The following PCDHGB3 variants were observed in gnomAD, a reference collection of about 807,000 sequenced individuals.
The protein encoded by PCDHGB3 is protocadherin gamma subfamily B, 3.
In PCDHGB3, 40 loss-of-function variants were observed where a neutral mutation model predicts 59.2. The observed-to-expected ratio is 0.68, with a 90% CI of 0.52 to 0.88. The LOEUF (loss-of-function observed/expected upper bound fraction) is 0.88. Among genes scored for constraint, PCDHGB3 ranks in the 40% least tolerant of loss-of-function variants. The probability of loss-of-function intolerance (pLI) is 0.00; values close to 1 mark genes in which losing one functional copy is unlikely to be tolerated. For missense variants in PCDHGB3, 1,309 were observed against 1,187.9 expected (o/e 1.10, Z -1.50); for synonymous variants, 581 against 503.6 (o/e 1.15, Z -2.06).
chr5:141,397,809 A>G lies in PCDHGB3; in HGVS notation c.2415+25000A>G, dbSNP rs116170608. Among the ~76,000 whole-genome samples, 1,507 of 152,354 alleles carry G rather than the reference A, an allele frequency of 9.9e-3. 33 individuals carry two copies. Among genetic ancestry groups the G allele is most frequent in the African/African-American group, 0.034 (1,415 of 41,586 alleles). ...ACTTGGCTTGTTAAGTTAGGCACACAAAAACAATTACTGCACTGGTTAACT... is the reference window on the plus strand; with the variant it reads ...ACTTGGCTTGTTAAGTTAGGCACACGAAAACAATTACTGCACTGGTTAACT... On this transcript the variant is annotated intron_variant, in intron 1 of 3. Coordinates refer to ENST00000576222, the MANE Select transcript of PCDHGB3 (RefSeq NM_018924.5).
chr5:141,489,428 G>C lies in PCDHGB3; in HGVS notation c.2416-5379G>C, dbSNP rs561792279. The C allele has an allele frequency of 1.2e-6, 2 of 1,613,994 alleles. No individual in the cohort carries two copies. Among genetic ancestry groups the C allele is most frequent in the Non-Finnish European group, 1.7e-6 (2 of 1,180,038 alleles). On this transcript the variant is annotated intron_variant, in intron 1 of 3. Coordinates refer to ENST00000576222, the MANE Select transcript of PCDHGB3 (RefSeq NM_018924.5). This position sits in a 1 kb window ranked among gnomAD's most constrained non-coding sequence, Gnocchi z 4.5. The stretch of plus-strand genomic sequence containing the variant: ...AAGATGACAGATCTGTTGAGCCGGC[G>C]GCTGCAATTGGGCTCTGAGGAGAAT...
At chr5:141,394,740 G>C in intron 1 of PCDHGB3, 2 of 1,613,404 alleles carry the variant, frequency 1.2e-6, no homozygotes, top group Non-Finnish European at 1.7e-6. Context: ...GCAGAGCCTC[G>C]TGGTGGCCGT....
chr5:141,436,859 A>G (rs550974791), intron 1 of PCDHGB3, among the ~76,000 whole-genome samples: 7 of 152,250 alleles, frequency 4.6e-5, no homozygotes, highest in Non-Finnish European at 1.0e-4. Flanking sequence ...TTGAGAAGCC[A>G]CAGTTTTAGG....
chr5:141,409,060 G>C (rs1464240645), intron 1 of PCDHGB3: 1 of 1,614,000 alleles, frequency 6.2e-7, no homozygotes, highest in Non-Finnish European at 8.5e-7. Flanking sequence ...GCACTGCCCA[G>C]AGCACAAAAC....
intron 1 of PCDHGB3, chr5:141,374,617 C>T: frequency 1.2e-6 from 2 of 1,613,518 alleles, no homozygotes; most frequent in South Asian, 1.1e-5. Flanking sequence ...ATAGTCACTT[C>T]TCAGTGGACG....
At chr5:141,469,629 C>T (rs933972587) in intron 1 of PCDHGB3, among the ~76,000 whole-genome samples, 1 of 152,070 alleles carries the variant, frequency 6.6e-6, no homozygotes, top group Admixed American at 6.6e-5. Context: ...GTTTGTAGTT[C>T]CAAAATATTT....
Position 141,477,656 on chromosome 5 carries a change from C to T in PCDHGB3, c.2416-17151C>T, listed in dbSNP as rs755621234. The T allele has an allele frequency of 1.9e-6, 3 of 1,614,184 alleles. No homozygotes were observed. The South Asian group carries it at 3.3e-5, about 18-fold the overall frequency. ...AGTGGGTCGCTATTTCACAATAAATCGTGACAATGGCATAGTGTCATCCTT... is the reference window on the plus strand; with the variant it reads ...AGTGGGTCGCTATTTCACAATAAATTGTGACAATGGCATAGTGTCATCCTT... On this transcript the variant is annotated intron_variant, in intron 1 of 3. Transcript: ENST00000576222. The surrounding 1 kb of genome is among the most constrained non-coding windows in gnomAD (Gnocchi z 4.9).
At chr5:141,445,805 A>G (rs2098478274) in intron 1 of PCDHGB3, among the ~76,000 whole-genome samples, 2 of 152,236 alleles carry the variant, frequency 1.3e-5, no homozygotes, top group South Asian at 4.1e-4. Flanking sequence ...GAAAATAAAT[A>G]GATGAAACTA....
intron 1 of PCDHGB3, among the ~76,000 whole-genome samples, chr5:141,437,829 C>T (rs2097913718): frequency 6.6e-6 from 1 of 151,986 alleles, no homozygotes; most frequent in Admixed American, 6.6e-5. Flanking sequence ...CCTCTGCCTC[C>T]TGGGTTCATG....
chr5:141,405,621 C>T lies in PCDHGB3; in HGVS notation c.2415+32812C>T, dbSNP rs2094693815. 9.2e-6 allele frequency: 5 copies of T among 543,194 alleles called. No individual in the cohort carries two copies. In the South Asian group the frequency reaches 1.0e-4, roughly 11 times the overall value. 33.6% of individuals were successfully genotyped at this position (543,194 alleles called of 1,614,324 possible). ...AGTAGAATAACTGGGACTACAGGCA[C>T]GTGCCACCACGCCCGGCTAATTTTT... On this transcript the variant is annotated intron_variant, in intron 1 of 3. Coordinates refer to ENST00000576222, the MANE Select transcript of PCDHGB3 (RefSeq NM_018924.5).
intron 1 of PCDHGB3, among the ~76,000 whole-genome samples, chr5:141,474,130 C>G (rs28684928): frequency 6.6e-6 from 1 of 152,160 alleles, no homozygotes; most frequent in Non-Finnish European, 1.5e-5. Context: ...TCTCAGAAAA[C>G]TACAGGCCTT....
chr5:141,481,509 T>C (rs2154578624), intron 1 of PCDHGB3, among the ~76,000 whole-genome samples: 2 of 152,326 alleles, frequency 1.3e-5, no homozygotes, highest in Middle Eastern at 3.4e-3. Context: ...GTATGTGAAT[T>C]ATGTCTCAGT....
chr5:141,432,652 C>T lies in PCDHGB3; in HGVS notation c.2415+59843C>T, dbSNP rs1004936183. On this transcript the variant is annotated intron_variant, in intron 1 of 3. Transcript: ENST00000576222. This position sits in a 1 kb window ranked among gnomAD's most constrained non-coding sequence, Gnocchi z 6.0. ...CGGGCGAGGTGCGCACGGCGCGAGC[C>T]CTGCTGGACAGAGACGCGCTCAAGC... The T allele has an allele frequency of 6.2e-7, 1 of 1,613,836 alleles. No individual in the cohort carries two copies. Among genetic ancestry groups the T allele is most frequent in the East Asian group, 2.2e-5 (1 of 44,860 alleles).
intron 1 of PCDHGB3, chr5:141,420,927 G>A (rs1257204379): frequency 2.8e-6 from 1 of 362,530 alleles, no homozygotes; most frequent in Non-Finnish European, 5.0e-6. Context: ...ACAAAGGTGA[G>A]CGTAATCATT....
intron 1 of PCDHGB3, chr5:141,388,500 A>T: frequency 6.2e-7 from 1 of 1,613,860 alleles, no homozygotes; most frequent in Non-Finnish European, 8.5e-7. Flanking sequence ...AGAAAAGCAG[A>T]AATCCTACCA....
At chr5:141,403,624 C>T (rs1269483770) in intron 1 of PCDHGB3, 3 of 1,613,924 alleles carry the variant, frequency 1.9e-6, no homozygotes. Context: ...GTCGCTCCAG[C>T]ACAGTGCGCA....
At chr5:141,383,802 A>G in intron 1 of PCDHGB3, 1 of 1,613,998 alleles carries the variant, frequency 6.2e-7, no homozygotes, top group Non-Finnish European at 8.5e-7. Context: ...CAGGAGAAAT[A>G]TCAACTTTAG....
intron 1 of PCDHGB3, chr5:141,407,951 A>G (rs1256400393): frequency 1.7e-6 from 1 of 578,448 alleles, no homozygotes; most frequent in Non-Finnish European, 2.8e-6. Flanking sequence ...GCTGTCGGCC[A>G]GTGCAGAGCA....
chr5:141,409,338 A>C, intron 1 of PCDHGB3: 5 of 1,614,002 alleles, frequency 3.1e-6, no homozygotes, highest in Non-Finnish European at 4.2e-6. Flanking sequence ...TTCGGAGGAA[A>C]TGGAGAAGTC....
Sources: gnomAD v4.1 joint callset for allele counts (sites outside exome capture counted in the v4.1 genomes callset) on GRCh38, gnomAD v4.1.1 for gene constraint, Gnocchi (gnomAD v3.1) non-coding constraint, MANE v1.5 for transcripts, NCBI Gene and HGNC (gene_info 2026-07-23, HGNC 2026-07-21) for gene names.